Variants in VWA3B observed in about 807,000 individuals in gnomAD.
VWA3B encodes von Willebrand factor A domain-containing protein 3B.
Under a neutral mutation model 158.3 loss-of-function variants are expected in VWA3B, and 138 were observed. The observed-to-expected ratio is 0.87, with a 90% CI of 0.76 to 1.00. VWA3B has a LOEUF of 1.00. Among genes scored for constraint, VWA3B ranks in the 50% least tolerant of loss-of-function variants. The probability of loss-of-function intolerance (pLI) is 0.00; values close to 1 mark genes in which losing one functional copy is unlikely to be tolerated. For synonymous variants in VWA3B, 596 were observed against 587.3 expected (o/e 1.01, Z -0.21); for missense variants, 1,555 against 1,565.1 (o/e 0.99, Z 0.11).
chr2:98,207,018 A>T, intron 12 of VWA3B: 1 of 493,704 alleles, frequency 2.0e-6, no homozygotes, highest in South Asian at 1.5e-5. Context: ...CTGTGGCTGA[A>T]TACTTCAGAG....
At chr2:98,225,741 A>T (rs927186111) in intron 14 of VWA3B, among the ~76,000 whole-genome samples, 1 of 151,918 alleles carries the variant, frequency 6.6e-6, no homozygotes, top group African/African-American at 2.4e-5. Flanking sequence ...ACGAGATTTC[A>T]GCAAAGTCAC....
At chr2:98,094,835 T>C (rs779729284) in intron 2 of VWA3B, among the ~76,000 whole-genome samples, 9 of 152,212 alleles carry the variant, frequency 5.9e-5, no homozygotes, top group Non-Finnish European at 1.3e-4. Flanking sequence ...TTATTCTGCC[T>C]GTGGCTATAC....
intron 7 of VWA3B, among the ~76,000 whole-genome samples, chr2:98,146,667 T>A (rs1246099722): frequency 6.6e-6 from 1 of 152,214 alleles, no homozygotes; most frequent in Admixed American, 6.5e-5. Flanking sequence ...TGCTTTCTTC[T>A]GCATTGCTTC....
intron 22 of VWA3B, among the ~76,000 whole-genome samples, chr2:98,277,682 C>A (rs1283776878): frequency 6.6e-6 from 1 of 152,080 alleles, no homozygotes; most frequent in African/African-American, 2.4e-5. Flanking sequence ...GTGCTCTGCT[C>A]CGGGAGAAAG....
rs998697742 is a variant in VWA3B, at chr2:98,125,073, T to C, written c.703-3166T>C. On this transcript the variant is annotated intron_variant, in intron 5 of 27. Coordinates refer to ENST00000477737, the MANE Select transcript of VWA3B (RefSeq NM_144992.5). This position sits in a 1 kb window ranked among gnomAD's most constrained non-coding sequence, Gnocchi z 4.1. The stretch of plus-strand genomic sequence containing the variant: ...GAAATGTGGTCGGTGAGGAAGCTAC[T>C]CCTGGACTGAAGGCTGCTACTGAGC... Among the ~76,000 whole-genome samples the C allele has an allele frequency of 1.3e-5, 2 of 152,226 alleles. No homozygotes were observed. The highest frequency in any genetic ancestry group is 2.9e-5 in the Non-Finnish European group (2 of 68,040).
At chr2:98,201,891 A>G (rs576434602) in intron 12 of VWA3B, among the ~76,000 whole-genome samples, 1 of 152,298 alleles carries the variant, frequency 6.6e-6, no homozygotes, top group South Asian at 2.1e-4. Flanking sequence ...TGTATTATAG[A>G]TTGAATATAT....
the VWA3B span, among the ~76,000 whole-genome samples, chr2:98,325,009 A>C: frequency 6.6e-6 from 1 of 152,190 alleles, no homozygotes; most frequent in Non-Finnish European, 1.5e-5. Context: ...AAATCTGAAA[A>C]AGAGATACAA....
chr2:98,298,866 G>A (rs1414173088), intron 24 of VWA3B, among the ~76,000 whole-genome samples: 1 of 152,230 alleles, frequency 6.6e-6, no homozygotes, highest in East Asian at 1.9e-4. Flanking sequence ...CCCTTATCTG[G>A]ATGAAGGATT....
At chr2:98,148,417 G>T (rs1450022886) in intron 7 of VWA3B, among the ~76,000 whole-genome samples, 2 of 152,106 alleles carry the variant, frequency 1.3e-5, no homozygotes, top group Non-Finnish European at 2.9e-5. Context: ...GGGGTCTTGT[G>T]TTTCTTATCA....
At chr2:98,227,449 G>A (rs1685008893) in intron 14 of VWA3B, among the ~76,000 whole-genome samples, 1 of 152,176 alleles carries the variant, frequency 6.6e-6, no homozygotes, top group African/African-American at 2.4e-5. Flanking sequence ...GTATGCAAAT[G>A]TGTGTAGCTT....
chr2:98,250,359 G>T lies in VWA3B; in HGVS notation c.2715G>T (p.Met905Ile). ...LAHVCNDTNK[M>I]TLINPQGAKL... ...ATGTGTGCAACGACACAAATAAGAT[G>T]ACATTAATTAACCCCCAAGGAGCCA... Residue 905 changes from methionine to isoleucine, a missense_variant, in exon 20 of 28, where the codon ATG becomes ATT. Coordinates refer to ENST00000477737, the MANE Select transcript of VWA3B (RefSeq NM_144992.5). 4 of 1,613,470 alleles carry T rather than the reference G, an allele frequency of 2.5e-6. No individual in the cohort carries two copies. The highest frequency in any genetic ancestry group is 3.4e-6 in the Non-Finnish European group (4 of 1,179,804).
chr2:98,312,102 G>GGGGGTC, intron 27 of VWA3B, 70 bp downstream of exon 27: 1 of 1,610,454 alleles, frequency 6.2e-7, no homozygotes, highest in Non-Finnish European at 8.5e-7. Flanking sequence ...TTCAAGAATA[G>GGGGGTC]TACACCTAAC....
intron 5 of VWA3B, among the ~76,000 whole-genome samples, chr2:98,124,901 C>G (rs376738016): frequency 6.6e-6 from 1 of 152,144 alleles, no homozygotes; most frequent in African/African-American, 2.4e-5. Context: ...AATGAATGGC[C>G]CAGATAGAAT....
At chr2:98,237,914 C>T (rs147177370) in intron 19 of VWA3B, among the ~76,000 whole-genome samples, 1 of 152,032 alleles carries the variant, frequency 6.6e-6, no homozygotes, top group African/African-American at 2.4e-5. Context: ...ATAGACCACA[C>T]GTTGATCATT....
chr2:98,278,235 G>A (rs1202478425), intron 22 of VWA3B, among the ~76,000 whole-genome samples: 1 of 152,120 alleles, frequency 6.6e-6, no homozygotes, highest in East Asian at 1.9e-4. Flanking sequence ...CTCGGGAGAG[G>A]GAGCACGCAG....
chr2:98,316,646 CAA>C (rs57574289), downstream of VWA3B, among the ~76,000 whole-genome samples: 29 of 64,208 alleles, frequency 4.5e-4, no homozygotes, highest in African/African-American at 6.7e-4. Flanking sequence ...AACTCTGTCT[CAA>C]AAAAAAAAAA....
At chr2:98,119,118 A>G (rs940112086) in intron 3 of VWA3B, among the ~76,000 whole-genome samples, 1 of 152,240 alleles carries the variant, frequency 6.6e-6, no homozygotes, top group African/African-American at 2.4e-5. Flanking sequence ...TAGCATTTTC[A>G]GAAATATTTT....
intron 4 of VWA3B, 111 bp downstream of exon 4, chr2:98,119,874 A>G: frequency 2.3e-6 from 3 of 1,328,682 alleles, no homozygotes; most frequent in South Asian, 2.8e-5. Flanking sequence ...GGGAAGAGGC[A>G]TTATCTTATA....
At chr2:98,092,859 T>TAG (rs1682440292) in intron 1 of VWA3B, among the ~76,000 whole-genome samples, 1 of 128,178 alleles carries the variant, frequency 7.8e-6, no homozygotes, top group Admixed American at 8.0e-5. Flanking sequence ...TATATATATA[T>TAG]AGTTGAATAT....
Sources: gnomAD v4.1 joint callset for allele counts (sites outside exome capture counted in the v4.1 genomes callset) on GRCh38, gnomAD v4.1.1 for gene constraint, Gnocchi (gnomAD v3.1) non-coding constraint, MANE v1.5 for transcripts, NCBI Gene and HGNC (gene_info 2026-07-23, HGNC 2026-07-21) for gene names.